Variants in KCNH8 observed in about 807,000 individuals in gnomAD.
KCNH8 encodes voltage-gated delayed rectifier potassium channel KCNH8.
In KCNH8, 70 loss-of-function variants were observed where a neutral mutation model predicts 103.6. The observed-to-expected ratio is 0.68, with a 90% CI of 0.56 to 0.82. The LOEUF is 0.82. KCNH8 is among the 40% of genes least tolerant of loss of function. The probability of loss-of-function intolerance (pLI) is 0.00; values close to 1 mark genes in which losing one functional copy is unlikely to be tolerated. For synonymous variants in KCNH8, 498 were observed against 489.4 expected (o/e 1.02, Z -0.23); for missense variants, 1,217 against 1,329.9 (o/e 0.92, Z 1.32).
chr3:19,366,483 T>C (rs1316527233), intron 5 of KCNH8, among the ~76,000 whole-genome samples: 1 of 152,110 alleles, frequency 6.6e-6, no homozygotes, highest in African/African-American at 2.4e-5. Flanking sequence ...GAAATAGTGG[T>C]GCTTGTTTTG....
chr3:19,194,198 T>C (rs1394099605), intron 1 of KCNH8, among the ~76,000 whole-genome samples: 13 of 151,968 alleles, frequency 8.6e-5, no homozygotes, highest in Admixed American at 8.5e-4. Flanking sequence ...CATTCAAAAA[T>C]AGTATTTTTT....
At chr3:19,242,265 T>G (rs536968214) in intron 1 of KCNH8, among the ~76,000 whole-genome samples, 1 of 152,326 alleles carries the variant, frequency 6.6e-6, no homozygotes, top group Non-Finnish European at 1.5e-5. Flanking sequence ...TAAATCCACA[T>G]GTGGATTAGG....
chr3:19,169,300 C>T (rs1267415310), intron 1 of KCNH8, among the ~76,000 whole-genome samples: 2 of 149,244 alleles, frequency 1.3e-5, no homozygotes, highest in South Asian at 4.2e-4. Context: ...GCTCTTTCGC[C>T]CAGGCTGGAG....
chr3:19,404,935 T>G (rs1293479117), intron 7 of KCNH8, among the ~76,000 whole-genome samples: 1 of 151,880 alleles, frequency 6.6e-6, no homozygotes, highest in Non-Finnish European at 1.5e-5. Context: ...ACAAAAATAT[T>G]ACATAGTTTT....
intron 5 of KCNH8, among the ~76,000 whole-genome samples, chr3:19,358,161 TTCCTTCCTTTTCTTC>T (rs2065903691): frequency 7.4e-6 from 1 of 134,782 alleles, no homozygotes; most frequent in African/African-American, 3.1e-5. Flanking sequence ...CCTTCCTTTC[TTCCTTCCTTTTCTTC>T]CTTCCTTCCT....
At chr3:19,192,401 T>A (rs1372131930) in intron 1 of KCNH8, among the ~76,000 whole-genome samples, 1 of 151,700 alleles carries the variant, frequency 6.6e-6, no homozygotes, top group East Asian at 1.9e-4. Context: ...TATTTTTCTC[T>A]TGACTGCTTA....
chr3:19,373,243 G>C (rs1559497310), intron 5 of KCNH8, among the ~76,000 whole-genome samples: 2 of 152,016 alleles, frequency 1.3e-5, no homozygotes, highest in Non-Finnish European at 2.9e-5. Context: ...TCTGGTCCTG[G>C]ACTCTTTTTG....
chr3:19,150,349 GT>G (rs552350448), intron 1 of KCNH8, among the ~76,000 whole-genome samples: 7,154 of 145,788 alleles, frequency 0.049, 539 homozygotes, highest in African/African-American at 0.16. Context: ...TAATGTGGAT[GT>G]TTTTTTTTTT....
chr3:19,260,967 C>CAT (rs138181171), intron 2 of KCNH8, among the ~76,000 whole-genome samples: 6,097 of 131,920 alleles, frequency 0.046, 178 homozygotes, highest in East Asian at 0.16. Flanking sequence ...GAATAATATT[C>CAT]ATATATATAT....
At chr3:19,424,533 G>T (rs116763217) in intron 7 of KCNH8, among the ~76,000 whole-genome samples, 1 of 151,900 alleles carries the variant, frequency 6.6e-6, no homozygotes, top group African/African-American at 2.4e-5. Context: ...AGAAAAACTC[G>T]TCTAGACATT....
chr3:19,357,864 G>T (rs192169764), intron 5 of KCNH8, among the ~76,000 whole-genome samples: 5 of 151,956 alleles, frequency 3.3e-5, no homozygotes, highest in Admixed American at 2.6e-4. Context: ...AAGGGATAAA[G>T]CTGAGAAGCT....
chr3:19,481,235 G>A (rs942918324), intron 11 of KCNH8, among the ~76,000 whole-genome samples: 1 of 151,826 alleles, frequency 6.6e-6, no homozygotes. Context: ...CTGACTAGGG[G>A]GAATCACTGC....
chr3:19,346,250 T>C (rs2065726508), intron 4 of KCNH8, among the ~76,000 whole-genome samples: 1 of 152,034 alleles, frequency 6.6e-6, no homozygotes, highest in Admixed American at 6.6e-5. Context: ...CAGCCCGAAT[T>C]TTTATGAGAA....
intron 5 of KCNH8, among the ~76,000 whole-genome samples, chr3:19,379,985 T>C (rs1208443249): frequency 6.6e-6 from 1 of 152,178 alleles, no homozygotes; most frequent in East Asian, 1.9e-4. Flanking sequence ...TATGAGTAGA[T>C]CATTTCTAAC....
At chr3:19,156,982 TAA>T (rs139952502) in intron 1 of KCNH8, among the ~76,000 whole-genome samples, 47 of 149,866 alleles carry the variant, frequency 3.1e-4, no homozygotes, top group African/African-American at 1.1e-3. Flanking sequence ...TTTTTTTTTT[TAA>T]AAAAAAGGTT....
chr3:19,424,983 TAC>T (rs552536520), intron 7 of KCNH8, among the ~76,000 whole-genome samples: 1 of 151,362 alleles, frequency 6.6e-6, no homozygotes, highest in Admixed American at 6.6e-5. Flanking sequence ...GTTTCCCTGT[TAC>T]ACACACACAC....
intron 7 of KCNH8, among the ~76,000 whole-genome samples, chr3:19,402,835 T>C (rs375717375): frequency 6.6e-6 from 1 of 151,886 alleles, no homozygotes; most frequent in East Asian, 1.9e-4. Flanking sequence ...TTGGAAGTTA[T>C]GCTTGTTCCG....
intron 11 of KCNH8, among the ~76,000 whole-genome samples, chr3:19,498,449 A>G (rs976599138): frequency 1.3e-5 from 2 of 152,042 alleles, no homozygotes; most frequent in African/African-American, 4.8e-5. Flanking sequence ...GTGGTAATGA[A>G]TTCCCTCAGC....
intron 1 of KCNH8, among the ~76,000 whole-genome samples, chr3:19,236,866 A>G (rs1042179727): frequency 1.3e-5 from 2 of 152,242 alleles, no homozygotes; most frequent in Non-Finnish European, 2.9e-5. Flanking sequence ...ATATTATGCT[A>G]AAATATTTTA....
Sources: allele counts gnomAD v4.1 joint callset (sites outside exome capture counted in the v4.1 genomes callset), GRCh38; gene constraint gnomAD v4.1.1; transcripts MANE v1.5; gene names NCBI Gene and HGNC (gene_info 2026-07-23, HGNC 2026-07-21).